PRUNE2: variants seen among roughly 807,000 people sequenced by gnomAD.
PRUNE2 encodes prune homolog 2 with BCH domain, also known as protein prune homolog 2.
PRUNE2 carries 164 observed loss-of-function variants against 252.0 expected under a neutral mutation model. That is an observed-to-expected ratio of 0.65 (90% CI 0.57 to 0.74). PRUNE2 has a LOEUF of 0.74. PRUNE2 is among the 30% of genes least tolerant of loss of function. The pLI, the probability that PRUNE2 is intolerant of heterozygous loss-of-function variation, is 0.00. For missense variants in PRUNE2, 3,495 were observed against 3,711.0 expected (o/e 0.94, Z 1.51); for synonymous variants, 1,292 against 1,350.2 (o/e 0.96, Z 0.94).
intron 9 of PRUNE2, among the ~76,000 whole-genome samples, chr9:76,659,129 C>T (rs936581583): frequency 1.3e-5 from 2 of 152,200 alleles, no homozygotes; most frequent in African/African-American, 4.8e-5. Context: ...TCGATGAAAG[C>T]TTGCTGGAAA....
intron 4 of PRUNE2, among the ~76,000 whole-genome samples, chr9:76,831,563 C>T (rs1050544628): frequency 6.6e-6 from 1 of 151,890 alleles, no homozygotes; most frequent in Non-Finnish European, 1.5e-5. Flanking sequence ...TAGAGAGAAG[C>T]TGTTTTAGGT....
At chr9:76,712,816 T>C (rs537903) in intron 7 of PRUNE2, among the ~76,000 whole-genome samples, 78,655 of 151,848 alleles carry the variant, frequency 0.52, 21,932 homozygotes, top group Middle Eastern at 0.73. Context: ...AGAGTACCCA[T>C]AGGCATGGGT....
At chr9:76,739,409 T>G (rs896813633) in intron 6 of PRUNE2, 1 of 152,146 alleles carries the variant, frequency 6.6e-6, no homozygotes, top group East Asian at 1.9e-4. Flanking sequence ...TAATAGTCTT[T>G]AATGCTATCA....
At chr9:76,647,975 C>T (rs377215924) in intron 11 of PRUNE2, among the ~76,000 whole-genome samples, 6 of 151,992 alleles carry the variant, frequency 3.9e-5, no homozygotes, top group Non-Finnish European at 7.4e-5. Context: ...ACAACAACAA[C>T]AACAACAAAA....
chr9:76,811,727 G>A (rs190720647), intron 6 of PRUNE2, among the ~76,000 whole-genome samples: 108 of 152,260 alleles, frequency 7.1e-4, no homozygotes, highest in African/African-American at 2.4e-3. Context: ...CTGACAATAC[G>A]CCCATGCCCT....
At chr9:76,713,792 G>A in intron 6 of PRUNE2, 71 bp from the exon 7 acceptor site, 1 of 1,128,224 alleles carries the variant, frequency 8.9e-7, no homozygotes, top group Non-Finnish European at 1.3e-6. Flanking sequence ...CCACAAATTT[G>A]TCCAGTCTTA....
intron 6 of PRUNE2, among the ~76,000 whole-genome samples, chr9:76,753,108 G>C (rs1393611576): frequency 6.6e-6 from 1 of 152,072 alleles, no homozygotes; most frequent in Admixed American, 6.6e-5. Context: ...CAACTTACTA[G>C]AGTCTCCACC....
intron 1 of PRUNE2, among the ~76,000 whole-genome samples, chr9:76,894,101 G>C (rs7846795): frequency 0.1 from 15,928 of 152,004 alleles, 1,081 homozygotes; most frequent in South Asian, 0.23. Flanking sequence ...GAGAAAAAAC[G>C]AGTTCTCTCA....
rs1181517301 is a variant in PRUNE2, at chr9:76,613,359, G to A, written c.*1211C>T. 5 of 152,164 alleles carry A rather than the reference G, an allele frequency of 3.3e-5. No individual in the cohort carries two copies. Among genetic ancestry groups the A allele is most frequent in the East Asian group, 3.8e-4 (2 of 5,196 alleles). 9.4% of individuals were successfully genotyped at this position (152,164 alleles called of 1,614,324 possible). ...GGTCTGCTGAACTGCTCAGCTCTGC[G>A]GCTGTAGTGTGAAAGTAGCTGTAGA... On this transcript the variant is annotated 3_prime_UTR_variant, in exon 19 of 19. Transcript: ENST00000376718.
chr9:76,698,663 T>G (rs1166130311), intron 9 of PRUNE2, among the ~76,000 whole-genome samples: 1 of 152,156 alleles, frequency 6.6e-6, no homozygotes, highest in Non-Finnish European at 1.5e-5. Context: ...ATTTTCAACA[T>G]TCACGTGGAT....
At chr9:76,661,345 C>T (rs927017772) in intron 9 of PRUNE2, among the ~76,000 whole-genome samples, 1 of 152,142 alleles carries the variant, frequency 6.6e-6, no homozygotes, top group Non-Finnish European at 1.5e-5. Context: ...TGGGTTTAAG[C>T]GATTCTCCTG....
intron 9 of PRUNE2, among the ~76,000 whole-genome samples, chr9:76,686,933 G>T (rs2134348359): frequency 6.6e-6 from 1 of 152,236 alleles, no homozygotes; most frequent in South Asian, 2.1e-4. Flanking sequence ...TAGAGATGGG[G>T]TCTCACTGTG....
intron 9 of PRUNE2, among the ~76,000 whole-genome samples, chr9:76,694,080 T>C (rs1425712723): frequency 6.6e-6 from 1 of 152,214 alleles, no homozygotes; most frequent in African/African-American, 2.4e-5. Flanking sequence ...TAAGAAGTGC[T>C]GGCTCATTAG....
At chr9:76,746,367 C>T (rs571449981) in intron 6 of PRUNE2, among the ~76,000 whole-genome samples, 3 of 152,238 alleles carry the variant, frequency 2.0e-5, no homozygotes, top group Non-Finnish European at 4.4e-5. Context: ...CATCAATTGC[C>T]AAAGATGTAA....
At chr9:76,672,145 A>G (rs2041622977) in intron 9 of PRUNE2, among the ~76,000 whole-genome samples, 1 of 151,764 alleles carries the variant, frequency 6.6e-6, no homozygotes, top group East Asian at 1.9e-4. Context: ...AGTGTGCTGT[A>G]TTCAGGAAAC....
chr9:76,836,577 A>G (rs1273047090), intron 4 of PRUNE2, among the ~76,000 whole-genome samples: 1 of 152,134 alleles, frequency 6.6e-6, no homozygotes, highest in Non-Finnish European at 1.5e-5. Context: ...ATTAGAAAGT[A>G]ATGCTACATA....
chr9:76,695,893 A>G (rs1228676133), intron 9 of PRUNE2, among the ~76,000 whole-genome samples: 1 of 152,112 alleles, frequency 6.6e-6, no homozygotes, highest in East Asian at 1.9e-4. Flanking sequence ...AAGTAAATAG[A>G]AGATCTTTTC....
chr9:76,789,844 C>A (rs2055384520), intron 6 of PRUNE2, among the ~76,000 whole-genome samples: 1 of 152,092 alleles, frequency 6.6e-6, no homozygotes, highest in South Asian at 2.1e-4. Context: ...TTGGTGGTCC[C>A]TAATGATGCA....
Position 76,647,119 on chromosome 9 carries a change from T to C in PRUNE2, c.8558-2210A>G, listed in dbSNP as rs1295994287. Among the ~76,000 whole-genome samples, 3 of 152,146 alleles carry C rather than the reference T, an allele frequency of 2.0e-5. No homozygotes were observed. In the East Asian group the frequency reaches 5.8e-4, roughly 29 times the overall value. ...TGAGCCCAGGAGGTTGAGGCTGCAG[T>C]GAGCTATGATGGTACCACTGCACTC... On this transcript the variant is annotated intron_variant, in intron 11 of 18. Coordinates refer to ENST00000376718, the MANE Select transcript of PRUNE2 (RefSeq NM_015225.3).
Sources: gnomAD v4.1 joint callset for allele counts (sites outside exome capture counted in the v4.1 genomes callset) on GRCh38, gnomAD v4.1.1 for gene constraint, MANE v1.5 for transcripts, NCBI Gene and HGNC (gene_info 2026-07-23, HGNC 2026-07-21) for gene names.